Variants in KPNA4 observed in about 807,000 individuals in gnomAD.
KPNA4 encodes the protein importin subunit alpha-3.
A neutral mutation model predicts 71.3 loss-of-function variants in KPNA4; 13 were observed. The ratio of observed to expected loss-of-function variants is 0.18; its 90% CI spans 0.12 to 0.29. The LOEUF is 0.29. KPNA4 is among the 10% of genes least tolerant of loss of function. KPNA4 has a pLI of 1.00. For missense variants in KPNA4, 334 were observed against 603.2 expected, an observed-to-expected ratio of 0.55 and a Z score of 4.67; for synonymous variants, 189 against 195.2, an observed-to-expected ratio of 0.97 and a Z score of 0.26.
At chr3:160,535,074 T>TTA (rs1295784046) in intron 5 of KPNA4, among the ~76,000 whole-genome samples, 1 of 152,162 alleles carries the variant, frequency 6.6e-6, no homozygotes, top group African/African-American at 2.4e-5. Context: ...CATAGTAACA[T>TTA]TATAATTCTG....
chr3:160,532,690 G>A (rs1181215717), intron 5 of KPNA4, among the ~76,000 whole-genome samples: 1 of 152,124 alleles, frequency 6.6e-6, no homozygotes, highest in Non-Finnish European at 1.5e-5. Flanking sequence ...GTTTATGAAA[G>A]CTTAACCAAA....
At chr3:160,507,828 A>G (rs1264332276) in intron 15 of KPNA4, among the ~76,000 whole-genome samples, 1 of 152,238 alleles carries the variant, frequency 6.6e-6, no homozygotes, top group South Asian at 2.1e-4. Flanking sequence ...ATATTTATCA[A>G]GACTAGACTA....
chr3:160,504,095 A>G (rs1428284435), intron 16 of KPNA4, among the ~76,000 whole-genome samples: 1 of 152,146 alleles, frequency 6.6e-6, no homozygotes, highest in Non-Finnish European at 1.5e-5. Context: ...AAGAAAAAAA[A>G]CTTTTCTTAA....
chr3:160,564,069 C>T (rs1188068453), intron 1 of KPNA4: 1 of 152,154 alleles, frequency 6.6e-6, no homozygotes, highest in Non-Finnish European at 1.5e-5. Context: ...AAAAATACTG[C>T]TTGACCACTT....
At chr3:160,532,155 A>C (rs1721588637) in intron 5 of KPNA4, among the ~76,000 whole-genome samples, 1 of 152,254 alleles carries the variant, frequency 6.6e-6, no homozygotes, top group Non-Finnish European at 1.5e-5. Context: ...TGTGACTTAT[A>C]AAAAGAAAAC....
chr3:160,508,206 C>T lies in KPNA4; in HGVS notation c.1273G>A (p.Ala425Thr), dbSNP rs1270874980. 2 of 1,611,934 alleles carry T rather than the reference C, an allele frequency of 1.2e-6. No individual in the cohort carries two copies. Among genetic ancestry groups the T allele is most frequent in the African/African-American group, 2.7e-5 (2 of 74,826 alleles). ...PFCNLLTVKD[A>T]QVVQVVLDGL... Reference sequence around the variant, plus strand: ...TCGAGTACTACTTGCACAACTTGTGCATCTTTTACAGTCAGCAAGTTGCAA... The same window carrying T: ...TCGAGTACTACTTGCACAACTTGTGTATCTTTTACAGTCAGCAAGTTGCAA... Residue 425 changes from alanine to threonine, a missense_variant, in exon 15 of 17, where the codon GCA becomes ACA. By Grantham distance (58) the Ala-to-Thr change is moderately conservative. Coordinates refer to ENST00000334256, the MANE Select transcript of KPNA4 (RefSeq NM_002268.5).
At chr3:160,511,900 A>C (rs560231331) in intron 13 of KPNA4, among the ~76,000 whole-genome samples, 1 of 152,118 alleles carries the variant, frequency 6.6e-6, no homozygotes, top group South Asian at 2.1e-4. Context: ...TGTTTTTAGG[A>C]AGATTTTCAG....
chr3:160,537,760 G>A (rs551146197), intron 1 of KPNA4, among the ~76,000 whole-genome samples: 4 of 151,522 alleles, frequency 2.6e-5, no homozygotes, highest in Admixed American at 2.0e-4. Flanking sequence ...CAAAAACCTT[G>A]GAGCCATCCT....
rs969659756 is a variant in KPNA4, at chr3:160,497,495, A to T, written c.*4609T>A. The T allele has an allele frequency of 6.6e-6, 1 of 152,174 alleles. No individual in the cohort carries two copies. Among genetic ancestry groups the T allele is most frequent in the South Asian group, 2.1e-4 (1 of 4,834 alleles). The allele number at this position is 152,174 out of a possible 1,614,324, so 9.4% of individuals were successfully genotyped here. On this transcript the variant is annotated 3_prime_UTR_variant, in exon 17 of 17. Coordinates refer to ENST00000334256, the MANE Select transcript of KPNA4 (RefSeq NM_002268.5). ...CATCTTGCAGCAACTTTTAAAAATT[A>T]TTGTACATATATATTTAAAAGCATA...
Position 160,565,339 on chromosome 3 carries a change from C to G in KPNA4, c.-57G>C. 7.3e-7 allele frequency: 1 copy of G among 1,378,902 alleles called. No individual in the cohort carries two copies. The highest frequency in any genetic ancestry group is 1.4e-5 in the African/African-American group (1 of 69,240). 85.4% of individuals were successfully genotyped at this position (1,378,902 alleles called of 1,614,324 possible). A position where few individuals can be genotyped will look rare whatever the true frequency, so the allele number is the denominator to read the frequency against. On this transcript the variant is annotated 5_prime_UTR_variant, in exon 1 of 17. Coordinates refer to ENST00000334256, the MANE Select transcript of KPNA4 (RefSeq NM_002268.5). ...GCCCCGCGGGATCCGCCCCAACCAA[C>G]GCGCCGCACCGACACTCCCAGGAAC...
chr3:160,550,305 T>C (rs944329806), intron 1 of KPNA4, among the ~76,000 whole-genome samples: 9 of 152,350 alleles, frequency 5.9e-5, no homozygotes, highest in African/African-American at 2.2e-4. Context: ...CTTATTCTGT[T>C]GCCCAGGCTG....
chr3:160,504,782 G>C (rs950966884), intron 16 of KPNA4, among the ~76,000 whole-genome samples, 176 bp downstream of exon 16: 3 of 151,950 alleles, frequency 2.0e-5, no homozygotes, highest in African/African-American at 4.8e-5. Context: ...TGCCCTGAAG[G>C]GATCTTAAAA....
chr3:160,552,004 C>T (rs1204257738), intron 1 of KPNA4, among the ~76,000 whole-genome samples: 1 of 149,672 alleles, frequency 6.7e-6, no homozygotes, highest in Non-Finnish European at 1.5e-5. Flanking sequence ...TGCTAAACAT[C>T]CTACAGTGTA....
At chr3:160,504,181 A>G (rs1720938073) in intron 16 of KPNA4, among the ~76,000 whole-genome samples, 2 of 152,362 alleles carry the variant, frequency 1.3e-5, no homozygotes, top group Middle Eastern at 3.4e-3. Context: ...TAAATAGTCT[A>G]TAATTTTCTT....
At chr3:160,516,711 G>A (rs1408421079) in intron 11 of KPNA4, among the ~76,000 whole-genome samples, 1 of 152,008 alleles carries the variant, frequency 6.6e-6, no homozygotes, top group Non-Finnish European at 1.5e-5. Flanking sequence ...GGTCCAGGCT[G>A]AAGTGAGCTG....
chr3:160,553,802 A>G (rs560568008), intron 1 of KPNA4, among the ~76,000 whole-genome samples: 1 of 152,352 alleles, frequency 6.6e-6, no homozygotes, highest in South Asian at 2.1e-4. Flanking sequence ...TCAAGGAGAT[A>G]TCAGATACAA....
At position 160,497,711 on chromosome 3, in the gene KPNA4, G is replaced by A. The variant is rs901829583; in HGVS notation, c.*4393C>T. The A allele has an allele frequency of 5.9e-5, 9 of 152,062 alleles. No individual in the cohort carries two copies. Among genetic ancestry groups the A allele is most frequent in the African/African-American group, 1.4e-4 (6 of 41,402 alleles). The allele number at this position is 152,062 out of a possible 1,614,324, so 9.4% of individuals were successfully genotyped here. The stretch of plus-strand genomic sequence containing the variant: ...TGCCAATAAGTAAAATAATCAAGAA[G>A]TTACAAAAAGGATAAGATACTCAGC... On this transcript the variant is annotated 3_prime_UTR_variant, in exon 17 of 17. Coordinates refer to ENST00000334256, the MANE Select transcript of KPNA4 (RefSeq NM_002268.5).
intron 15 of KPNA4, 33 bp from the exon 16 acceptor site, chr3:160,505,085 A>C (rs1439733807): frequency 1.7e-6 from 2 of 1,190,756 alleles, no homozygotes; most frequent in African/African-American, 1.6e-5. Flanking sequence ...AAACAATAGT[A>C]ATATTTAAAG....
At chr3:160,534,155 T>A (rs1721632346) in intron 5 of KPNA4, among the ~76,000 whole-genome samples, 2 of 152,214 alleles carry the variant, frequency 1.3e-5, no homozygotes, top group Admixed American at 6.5e-5. Context: ...TAAAACAGAT[T>A]CGTGCAGCAC....
Sources: allele counts gnomAD v4.1 joint callset (sites outside exome capture counted in the v4.1 genomes callset), GRCh38; gene constraint gnomAD v4.1.1; transcripts MANE v1.5; gene names NCBI Gene and HGNC (gene_info 2026-07-23, HGNC 2026-07-21).